The following DCP1B variants were observed in gnomAD, a reference collection of about 807,000 sequenced individuals.
DCP1B encodes the protein decapping mRNA 1B, also known as mRNA-decapping enzyme 1B.
Under a neutral mutation model 60.5 loss-of-function variants are expected in DCP1B, and 47 were observed. That is an observed-to-expected ratio of 0.78 (90% CI 0.61 to 0.99). DCP1B has a LOEUF of 0.99. Ranked by LOEUF, DCP1B falls within the 50% of genes least tolerant of loss-of-function variation. The pLI, the probability that DCP1B is intolerant of heterozygous loss-of-function variation, is 0.00. For synonymous variants in DCP1B, 267 were observed against 280.3 expected (o/e 0.95, Z 0.47); for missense variants, 725 against 756.8 (o/e 0.96, Z 0.49).
intron 5 of DCP1B, among the ~76,000 whole-genome samples, chr12:1,964,895 CA>C (rs1183038363): frequency 1.3e-5 from 2 of 152,148 alleles, no homozygotes; most frequent in Non-Finnish European, 2.9e-5. Flanking sequence ...CCCCCACCTC[CA>C]ACCCCTACTA....
intron 1 of DCP1B, 79 bp downstream of exon 1, chr12:2,004,203 G>C (rs1262662551): frequency 6.3e-7 from 1 of 1,574,936 alleles, no homozygotes; most frequent in Non-Finnish European, 8.6e-7. Flanking sequence ...CCCCTCACCG[G>C]GTCCTCAAGT....
chr12:1,958,330 G>A (rs1334126627), intron 5 of DCP1B, among the ~76,000 whole-genome samples: 4 of 144,538 alleles, frequency 2.8e-5, no homozygotes, highest in Admixed American at 2.8e-4. Context: ...CCCTAACGTC[G>A]CTCTGGGCAA....
At chr12:1,983,258 CTTTTT>C (rs922587191) in intron 3 of DCP1B, among the ~76,000 whole-genome samples, 14 of 151,030 alleles carry the variant, frequency 9.3e-5, no homozygotes, top group African/African-American at 3.2e-4. Flanking sequence ...GATTTCTCTT[CTTTTT>C]ATTTCTTTCC....
At chr12:1,987,695 C>A (rs984710036) in intron 3 of DCP1B, among the ~76,000 whole-genome samples, 1 of 152,142 alleles carries the variant, frequency 6.6e-6, no homozygotes, top group Non-Finnish European at 1.5e-5. Context: ...AGTTTTCTTA[C>A]AATACACACA....
At chr12:2,001,135 T>C (rs796215262) in intron 1 of DCP1B, among the ~76,000 whole-genome samples, 2 of 152,332 alleles carry the variant, frequency 1.3e-5, no homozygotes, top group African/African-American at 4.8e-5. Flanking sequence ...AAAGAGACTT[T>C]GAAAATATAC....
downstream of DCP1B, among the ~76,000 whole-genome samples, chr12:1,944,559 C>G (rs185562405): frequency 5.3e-4 from 80 of 152,300 alleles, no homozygotes; most frequent in African/African-American, 1.9e-3. Context: ...GTAACCAAAA[C>G]AGCATGGTAC....
At chr12:1,964,889 C>G (rs563565006) in intron 5 of DCP1B, among the ~76,000 whole-genome samples, 2 of 152,156 alleles carry the variant, frequency 1.3e-5, no homozygotes, top group African/African-American at 4.8e-5. Context: ...TCATCTCCCC[C>G]ACCTCCAACC....
chr12:1,958,667 GACTTTTTCCATAAACCTCCC>G (rs2030998143), intron 5 of DCP1B, among the ~76,000 whole-genome samples: 1 of 144,550 alleles, frequency 6.9e-6, no homozygotes, highest in African/African-American at 2.6e-5. Context: ...TCTGGGCAAT[GACTTTTTCCATAAACCTCCC>G]GGAAGGAGAC....
At chr12:1,992,832 G>T (rs1408913557) in intron 3 of DCP1B, 10 of 351,160 alleles carry the variant, frequency 2.8e-5, no homozygotes, top group Non-Finnish European at 3.6e-5. Flanking sequence ...TACAATACAG[G>T]CCCTCAAACA....
At chr12:1,972,963 A>G (rs2032997785) in intron 3 of DCP1B, among the ~76,000 whole-genome samples, 1 of 152,200 alleles carries the variant, frequency 6.6e-6, no homozygotes, top group South Asian at 2.1e-4. Flanking sequence ...GCATCCATAG[A>G]TGGGAAACAC....
At position 1,946,167 on chromosome 12, in the gene DCP1B, T is replaced by G. The variant is rs758881884; in HGVS notation, c.*39A>C. On this transcript the variant is annotated 3_prime_UTR_variant, in exon 9 of 9. Transcript: ENST00000280665. ...ATGAAAGAACCTTGTGCCGGAGTTC[T>G]AGAAGGACCTTGAAAATCAGTTTTA... The G allele has an allele frequency of 1.3e-6, 2 of 1,492,464 alleles. No homozygotes were observed. Among genetic ancestry groups the G allele is most frequent in the South Asian group, 2.7e-5 (2 of 74,082 alleles). 92.5% of individuals were successfully genotyped at this position (1,492,464 alleles called of 1,614,324 possible).
At chr12:1,994,208 C>T (rs948197154) in intron 2 of DCP1B, among the ~76,000 whole-genome samples, 14 of 152,280 alleles carry the variant, frequency 9.2e-5, no homozygotes, top group Admixed American at 6.5e-4. Context: ...GCGCAACTTC[C>T]GGTGACAAAT....
chr12:2,001,535 C>T (rs1017644008), intron 1 of DCP1B, among the ~76,000 whole-genome samples: 6 of 152,132 alleles, frequency 3.9e-5, no homozygotes, highest in Non-Finnish European at 8.8e-5. Context: ...ACTAGCTCAA[C>T]GCAATCTCTA....
rs1172889232 is a variant in DCP1B at position 1,967,833 on chromosome 12, T to C, written c.386+11A>G. The C allele has an allele frequency of 6.2e-7, 1 of 1,609,598 alleles. No homozygotes were observed. The highest frequency in any genetic ancestry group is 1.3e-5 in the African/African-American group (1 of 74,798). On this transcript the variant is annotated intron_variant, in intron 4 of 8. Transcript: ENST00000280665. ...CAGGTCCTGAAAAATATTTAGCCTTTTAGTACTTACTTTTTCATAAGCTCT... is the reference window on the plus strand; with the variant it reads ...CAGGTCCTGAAAAATATTTAGCCTTCTAGTACTTACTTTTTCATAAGCTCT...
At chr12:2,002,685 G>C (rs2042440041) in intron 1 of DCP1B, among the ~76,000 whole-genome samples, 1 of 152,186 alleles carries the variant, frequency 6.6e-6, no homozygotes. Flanking sequence ...GAATCCCAGT[G>C]TCAAGTCAAC....
At chr12:1,970,063 T>C (rs1256084352) in intron 3 of DCP1B, among the ~76,000 whole-genome samples, 1 of 152,212 alleles carries the variant, frequency 6.6e-6, no homozygotes, top group Non-Finnish European at 1.5e-5. Flanking sequence ...TTTCGTTTGA[T>C]GTTATACATT....
intron 3 of DCP1B, among the ~76,000 whole-genome samples, chr12:1,968,486 C>T (rs2031501486): frequency 6.6e-6 from 1 of 152,098 alleles, no homozygotes. Context: ...ACAACAGGCA[C>T]TCGGCAAAAT....
intron 4 of DCP1B, among the ~76,000 whole-genome samples, chr12:1,967,254 A>G (rs1298983828): frequency 6.6e-6 from 1 of 152,228 alleles, no homozygotes; most frequent in African/African-American, 2.4e-5. Flanking sequence ...ACAAGGTATC[A>G]TAAGATTAAA....
At chr12:1,950,388 A>C (rs774381700) in intron 7 of DCP1B, 1 of 702,378 alleles carries the variant, frequency 1.4e-6, no homozygotes, top group South Asian at 1.5e-5. Flanking sequence ...CTGAAAAGTC[A>C]AGGGAGTTGT....
Sources: allele counts gnomAD v4.1 joint callset (sites outside exome capture counted in the v4.1 genomes callset), GRCh38; gene constraint gnomAD v4.1.1; transcripts MANE v1.5; gene names NCBI Gene and HGNC (gene_info 2026-07-23, HGNC 2026-07-21).